FZD3: variants seen among roughly 807,000 people sequenced by gnomAD.
FZD3 encodes frizzled-3.
In FZD3, 30 loss-of-function variants were observed where a neutral mutation model predicts 60.7. That is an observed-to-expected ratio of 0.49 (90% confidence interval 0.37 to 0.67). The LOEUF (loss-of-function observed/expected upper bound fraction) is 0.67. Among genes scored for constraint, FZD3 ranks in the 30% least tolerant of loss-of-function variants. The pLI, the probability that FZD3 is intolerant of heterozygous loss-of-function variation, is 0.00. For synonymous variants in FZD3, 246 were observed against 275.2 expected (o/e 0.89, Z 1.05); for missense variants, 605 against 838.7 (o/e 0.72, Z 3.44).
intron 3 of FZD3, among the ~76,000 whole-genome samples, chr8:28,513,789 A>T (rs117033272): frequency 1.2e-3 from 181 of 152,326 alleles, no homozygotes; most frequent in Admixed American, 2.9e-3. Context: ...CCCATAGGGT[A>T]CAGTTTCTAT....
intron 3 of FZD3, among the ~76,000 whole-genome samples, chr8:28,510,547 G>A (rs916692000): frequency 6.6e-6 from 1 of 152,166 alleles, no homozygotes; most frequent in Non-Finnish European, 1.5e-5. Context: ...ACTTTACAGA[G>A]ACAGAAACAC....
intron 5 of FZD3, among the ~76,000 whole-genome samples, chr8:28,545,156 G>T (rs1167435756): frequency 2.6e-5 from 4 of 152,166 alleles, no homozygotes; most frequent in Non-Finnish European, 5.9e-5. Context: ...CCAACCATAT[G>T]TAGCAACCAC....
chr8:28,503,828 A>G (rs1253649539), intron 3 of FZD3, among the ~76,000 whole-genome samples: 1 of 152,178 alleles, frequency 6.6e-6, no homozygotes, highest in Non-Finnish European at 1.5e-5. Context: ...TTCTACCTCT[A>G]CCACTTTCTA....
chr8:28,545,415 C>T (rs943491264), intron 5 of FZD3, among the ~76,000 whole-genome samples: 2 of 152,246 alleles, frequency 1.3e-5, no homozygotes, highest in Middle Eastern at 3.4e-3. Flanking sequence ...TGTGTGGAAG[C>T]CCAGGCTGGC....
At chr8:28,537,756 A>G (rs1224593450) in intron 5 of FZD3, among the ~76,000 whole-genome samples, 3 of 152,218 alleles carry the variant, frequency 2.0e-5, no homozygotes, top group African/African-American at 7.2e-5. Context: ...ATAAATTGTC[A>G]CTGTTGCATT....
chr8:28,495,935 C>G lies in FZD3; in HGVS notation c.-391+1592C>G, dbSNP rs189891211. Among the ~76,000 whole-genome samples, 667 of 152,266 alleles carry G rather than the reference C, an allele frequency of 4.4e-3. 3 individuals carry two copies. Among genetic ancestry groups the G allele is most frequent in the Non-Finnish European group, 6.0e-3 (409 of 68,016 alleles). ...TTCTACCCTCTCTTTCCTCCTACCC[C>G]TTTTCCCTCATCCACTACTAAAATT... On this transcript the variant is annotated intron_variant, in intron 1 of 7. Coordinates refer to ENST00000240093, the MANE Select transcript of FZD3 (RefSeq NM_017412.4).
At chr8:28,542,469 C>G (rs352201) in intron 5 of FZD3, among the ~76,000 whole-genome samples, 2,517 of 152,202 alleles carry the variant, frequency 0.017, 87 homozygotes, top group African/African-American at 0.057. Flanking sequence ...GAAACCCCAT[C>G]TCTACTAAAA....
Position 28,531,486 on chromosome 8 carries a change from A to C in FZD3, c.1404+3322A>C, listed in dbSNP as rs1482680712. 3.3e-5 allele frequency among the ~76,000 whole-genome samples: 5 copies of C among 152,256 alleles called. No individual in the cohort carries two copies. In the East Asian group the frequency reaches 9.6e-4, roughly 29 times the overall value. On this transcript the variant is annotated intron_variant, in intron 5 of 7. Transcript: ENST00000240093. ...TATTCTTGTAACACTTTCATTTCTT[A>C]AATATGAACAAGAGTTTCTATTGGA...
chr8:28,523,692 G>A (rs1804644103), intron 4 of FZD3, among the ~76,000 whole-genome samples: 1 of 152,066 alleles, frequency 6.6e-6, no homozygotes, highest in Admixed American at 6.6e-5. Flanking sequence ...CTAAAGTGCT[G>A]GGATTACAAG....
At chr8:28,495,621 A>G (rs1207833168) in intron 1 of FZD3, among the ~76,000 whole-genome samples, 2 of 152,154 alleles carry the variant, frequency 1.3e-5, no homozygotes, top group Admixed American at 6.5e-5. Flanking sequence ...CCTTAGTTCT[A>G]TTATTAAGAA....
chr8:28,563,532 G>C lies in FZD3; in HGVS notation c.*521G>C, dbSNP rs570110841. 3.6e-4 allele frequency: 56 copies of C among 155,422 alleles called. No homozygotes were observed. Among genetic ancestry groups the C allele is most frequent in the African/African-American group, 1.3e-3 (52 of 41,572 alleles). The allele number at this position is 155,422 out of a possible 1,614,324, so 9.6% of individuals were successfully genotyped here. ...GTAGGAGAATTTAATAAATCAGCAA[G>C]GGTATTTTAGCTAATAGAATAAAAG... On this transcript the variant is annotated 3_prime_UTR_variant, in exon 8 of 8. Coordinates refer to ENST00000240093, the MANE Select transcript of FZD3 (RefSeq NM_017412.4).
intron 1 of FZD3, among the ~76,000 whole-genome samples, chr8:28,497,165 T>TG (rs755944838): frequency 3.9e-5 from 6 of 152,256 alleles, no homozygotes; most frequent in Non-Finnish European, 7.3e-5. Context: ...TGTGTGTGTG[T>TG]TTTAAGCCTT....
At position 28,544,116 on chromosome 8, in the gene FZD3, C is replaced by T. The variant is rs546117934; in HGVS notation, c.1405-7487C>T. On this transcript the variant is annotated intron_variant, in intron 5 of 7. Transcript: ENST00000240093. ...TAAAATCGGATAAAATATGGATTAC[C>T]TGTTAATATCTTCTGGGATAGTAGT... Among the ~76,000 whole-genome samples, 3 of 151,914 alleles carry T rather than the reference C, an allele frequency of 2.0e-5. No individual in the cohort carries two copies. In the South Asian group the frequency reaches 6.2e-4, roughly 32 times the overall value.
At chr8:28,556,237 G>A (rs1015740282) in intron 7 of FZD3, among the ~76,000 whole-genome samples, 3 of 152,160 alleles carry the variant, frequency 2.0e-5, no homozygotes, top group African/African-American at 7.2e-5. Flanking sequence ...GATTAATTTA[G>A]TAAACAATTA....
chr8:28,533,357 A>G (rs755066199), intron 5 of FZD3, among the ~76,000 whole-genome samples: 5 of 152,016 alleles, frequency 3.3e-5, no homozygotes, highest in Non-Finnish European at 7.4e-5. Context: ...TTTTAATTCA[A>G]TTATTTCTTG....
At chr8:28,562,684 C>T in intron 7 of FZD3, 114 bp from the exon 8 acceptor site, 2 of 675,894 alleles carry the variant, frequency 3.0e-6, no homozygotes, top group Non-Finnish European at 5.3e-6. Context: ...ATTACTTTCT[C>T]ATGGTTGGTT....
rs1220123072 is a variant in FZD3 at position 28,502,998 on chromosome 8, T to G, written c.-16T>G. ...AATAGGCCTGATCATCTGAATCTCC[T>G]TCAGACCCAGGAAGGATGGCTATGA... On this transcript the variant is annotated 5_prime_UTR_variant, in exon 3 of 8. Coordinates refer to ENST00000240093, the MANE Select transcript of FZD3 (RefSeq NM_017412.4). 2 of 1,600,718 alleles carry G rather than the reference T, an allele frequency of 1.2e-6. No individual in the cohort carries two copies. Among genetic ancestry groups the G allele is most frequent in the Non-Finnish European group, 1.7e-6 (2 of 1,169,206 alleles).
intron 3 of FZD3, among the ~76,000 whole-genome samples, chr8:28,519,002 C>G (rs1213349769): frequency 1.3e-5 from 2 of 152,162 alleles, no homozygotes; most frequent in African/African-American, 4.8e-5. Context: ...ACAGAGTACT[C>G]TTTCTTAGAA....
At chr8:28,497,573 C>CTT (rs1803876659) in intron 1 of FZD3, among the ~76,000 whole-genome samples, 2 of 152,168 alleles carry the variant, frequency 1.3e-5, no homozygotes, top group Non-Finnish European at 1.5e-5. Flanking sequence ...ACTGTGTAAC[C>CTT]AGCATTTACT....
Sources: gnomAD v4.1 joint callset for allele counts (sites outside exome capture counted in the v4.1 genomes callset) on GRCh38, gnomAD v4.1.1 for gene constraint, MANE v1.5 for transcripts, NCBI Gene and HGNC (gene_info 2026-07-23, HGNC 2026-07-21) for gene names.